EGLN1: variants seen among roughly 807,000 people sequenced by gnomAD.
EGLN1 encodes the protein egl nine homolog 1.
A neutral mutation model predicts 38.3 loss-of-function variants in EGLN1; 17 were observed. The ratio of observed to expected loss-of-function variants is 0.44; its 90% CI spans 0.30 to 0.67. The LOEUF (loss-of-function observed/expected upper bound fraction) is 0.67, where lower values mean the gene tolerates loss of function less well. Among genes scored for constraint, EGLN1 ranks in the 30% least tolerant of loss-of-function variants. The probability of loss-of-function intolerance (pLI) is 0.08; values close to 1 mark genes in which losing one functional copy is unlikely to be tolerated. For missense variants in EGLN1, 477 were observed against 603.3 expected (o/e 0.79, Z 2.19); for synonymous variants, 283 against 257.5 (o/e 1.10, Z -0.95).
chr1:231,366,409 C>G lies in EGLN1; in HGVS notation c.*2G>C. Reference sequence around the variant, plus strand: ...AAGTGGGGTATTGCTGGATCAAAGGCTCTAGAAGACGTCTTTACCGACCGA... The same window carrying G: ...AAGTGGGGTATTGCTGGATCAAAGGGTCTAGAAGACGTCTTTACCGACCGA... On this transcript the variant is annotated 3_prime_UTR_variant, in exon 5 of 5. Coordinates refer to ENST00000366641, the MANE Select transcript of EGLN1 (RefSeq NM_022051.3). 1 of 1,613,872 alleles carries G rather than the reference C, an allele frequency of 6.2e-7. No homozygotes were observed. Among genetic ancestry groups the G allele is most frequent in the Non-Finnish European group, 8.5e-7 (1 of 1,179,918 alleles).
intron 1 of EGLN1, among the ~76,000 whole-genome samples, chr1:231,392,856 C>T (rs2102917572): frequency 6.6e-6 from 1 of 152,304 alleles, no homozygotes; most frequent in South Asian, 2.1e-4. Flanking sequence ...CATCCATTCC[C>T]CTTCTTCTCT....
chr1:231,391,541 A>C (rs1036136490), intron 1 of EGLN1, among the ~76,000 whole-genome samples: 1 of 152,178 alleles, frequency 6.6e-6, no homozygotes, highest in Non-Finnish European at 1.5e-5. Context: ...CAGAGCCCCA[A>C]ATCATGAAAA....
chr1:231,415,485 T>C (rs1689056529), intron 1 of EGLN1, among the ~76,000 whole-genome samples: 1 of 152,120 alleles, frequency 6.6e-6, no homozygotes, highest in Non-Finnish European at 1.5e-5. Flanking sequence ...GAAAAGTGGT[T>C]AGGTAAAAAA....
intron 1 of EGLN1, among the ~76,000 whole-genome samples, chr1:231,388,946 C>T (rs188084052): frequency 1.8e-4 from 27 of 152,330 alleles, no homozygotes; most frequent in Non-Finnish European, 3.2e-4. Flanking sequence ...TGAGCCACCG[C>T]GCCCAGCCTA....
chr1:231,417,033 T>C (rs1212932526), intron 1 of EGLN1, among the ~76,000 whole-genome samples: 2 of 152,220 alleles, frequency 1.3e-5, no homozygotes, highest in African/African-American at 4.8e-5. Flanking sequence ...TTTCTCACAG[T>C]TCTACAAGCT....
intron 1 of EGLN1, among the ~76,000 whole-genome samples, chr1:231,403,244 A>C: frequency 6.6e-6 from 1 of 152,184 alleles, no homozygotes; most frequent in East Asian, 1.9e-4. Context: ...TACAGATGTC[A>C]ATCAGGTCAA....
chr1:231,364,188 G>A lies in EGLN1; in HGVS notation c.*2223C>T, dbSNP rs1687575746. The stretch of plus-strand genomic sequence containing the variant: ...ACCTGTCTGGCAAGCACAACCCACA[G>A]ATAGTAGAATCTAATACTTTTTACA... On this transcript the variant is annotated 3_prime_UTR_variant, in exon 5 of 5. Coordinates refer to ENST00000366641, the MANE Select transcript of EGLN1 (RefSeq NM_022051.3). 6.6e-6 allele frequency: 1 copy of A among 152,176 alleles called. No homozygotes were observed. The highest frequency in any genetic ancestry group is 1.5e-5 in the Non-Finnish European group (1 of 68,038). The allele number at this position is 152,176 out of a possible 1,614,324, so 9.4% of individuals were successfully genotyped here. A position where few individuals can be genotyped will look rare whatever the true frequency, so the allele number is the denominator to read the frequency against.
rs886046099 is a variant in EGLN1, at chr1:231,364,991, CAAAAT to C, written c.*1415_*1419del. The C allele has an allele frequency of 2.6e-5, 4 of 152,242 alleles. No individual in the cohort carries two copies. Among genetic ancestry groups the C allele is most frequent in the African/African-American group, 4.8e-5 (2 of 41,564 alleles). 9.4% of individuals were successfully genotyped at this position (152,242 alleles called of 1,614,324 possible). On this transcript the variant is annotated 3_prime_UTR_variant, in exon 5 of 5. Transcript: ENST00000366641. ...AAAGTAAATAAGAAAACCCATGAAA[CAAAAT>C]AAAATTATCTGATTTTGCATCTGTT...
intron 1 of EGLN1, among the ~76,000 whole-genome samples, chr1:231,381,402 T>C (rs909758005): frequency 3.9e-5 from 6 of 152,120 alleles, no homozygotes; most frequent in African/African-American, 9.7e-5. Flanking sequence ...CCCATGTTCA[T>C]AGAAATATGA....
intron 1 of EGLN1, among the ~76,000 whole-genome samples, chr1:231,386,707 A>G (rs1488063206): frequency 6.6e-6 from 1 of 152,242 alleles, no homozygotes; most frequent in African/African-American, 2.4e-5. Context: ...TACTGAATAA[A>G]TCAATTAATG....
Position 231,364,019 on chromosome 1 carries a change from T to TA in EGLN1, c.*2391dup, listed in dbSNP as rs1341823296. 2.6e-5 allele frequency: 4 copies of TA among 152,228 alleles called. No homozygotes were observed. The highest frequency in any genetic ancestry group is 5.9e-5 in the Non-Finnish European group (4 of 68,038). 9.4% of individuals were successfully genotyped at this position (152,228 alleles called of 1,614,324 possible). A position where few individuals can be genotyped will look rare whatever the true frequency, so the allele number is the denominator to read the frequency against. On this transcript the variant is annotated 3_prime_UTR_variant, in exon 5 of 5. Transcript: ENST00000366641. ...AAACAGTTTTAAATTTTGTTTGAAA[T>TA]AGAGTCCTGCTTGGTGACAAGTTAA...
chr1:231,388,493 G>A (rs1043885376), intron 1 of EGLN1, among the ~76,000 whole-genome samples: 4 of 152,108 alleles, frequency 2.6e-5, no homozygotes, highest in African/African-American at 9.7e-5. Flanking sequence ...CTCTCTGTCT[G>A]TCTCAGTCTC....
chr1:231,403,115 G>T (rs1688703187), intron 1 of EGLN1, among the ~76,000 whole-genome samples: 2 of 152,090 alleles, frequency 1.3e-5, no homozygotes, highest in African/African-American at 4.8e-5. Flanking sequence ...TACTCTGTAT[G>T]ATTTCAATCC....
intron 1 of EGLN1, among the ~76,000 whole-genome samples, chr1:231,410,396 C>A (rs1382431866): frequency 1.3e-5 from 2 of 152,146 alleles, no homozygotes; most frequent in Admixed American, 1.3e-4. Context: ...GAAGCAGATC[C>A]CTCCCCATTC....
At chr1:231,404,242 C>A (rs1310479310) in intron 1 of EGLN1, among the ~76,000 whole-genome samples, 1 of 152,078 alleles carries the variant, frequency 6.6e-6, no homozygotes, top group Non-Finnish European at 1.5e-5. Context: ...CTACATGAGC[C>A]AAATTTGACA....
Position 231,372,337 on chromosome 1 carries a change from C to T in EGLN1, c.1012-1639G>A, listed in dbSNP as rs186184456. On this transcript the variant is annotated intron_variant, in intron 2 of 4. Transcript: ENST00000366641. Reference sequence around the variant, plus strand: ...TGACACACTACATATTCAGTGCAATCTAGCATGGAAAATTTCTATTCTACA... The same window carrying T: ...TGACACACTACATATTCAGTGCAATTTAGCATGGAAAATTTCTATTCTACA... 3.2e-3 allele frequency among the ~76,000 whole-genome samples: 490 copies of T among 152,318 alleles called. 3 individuals carry two copies. The highest frequency in any genetic ancestry group is 6.8e-3 in the Middle Eastern group (2 of 294).
intron 1 of EGLN1, among the ~76,000 whole-genome samples, chr1:231,400,825 A>G (rs2808601): frequency 0.6 from 91,597 of 151,966 alleles, 27,914 homozygotes; most frequent in Non-Finnish European, 0.65. Context: ...TGAGGCGGGT[A>G]GATTGCTTGA....
chr1:231,403,705 A>G (rs2486726), intron 1 of EGLN1, among the ~76,000 whole-genome samples: 80,472 of 146,020 alleles, frequency 0.55, 23,521 homozygotes, highest in Non-Finnish European at 0.65. Flanking sequence ...GAACCTGGGA[A>G]GAGGTGGAGG....
chr1:231,401,402 T>A (rs1238050311), intron 1 of EGLN1, among the ~76,000 whole-genome samples: 2 of 152,176 alleles, frequency 1.3e-5, no homozygotes, highest in Non-Finnish European at 2.9e-5. Context: ...CAATAAATGT[T>A]GGCAATATAA....
Sources: allele counts gnomAD v4.1 joint callset (sites outside exome capture counted in the v4.1 genomes callset), GRCh38; gene constraint gnomAD v4.1.1; transcripts MANE v1.5; gene names NCBI Gene and HGNC (gene_info 2026-07-23, HGNC 2026-07-21).